Variants in ZNF28 observed in about 807,000 individuals in gnomAD.
The protein encoded by ZNF28 is zinc finger protein 28, also known as zinc finger protein KOX24.
Under a neutral mutation model 7.2 loss-of-function variants are expected in ZNF28, and 5 were observed. That is an observed-to-expected ratio of 0.70 (90% CI 0.36 to 1.46). The LOEUF is 1.46. Ranked by LOEUF, ZNF28 falls within the 40% of genes most tolerant of loss-of-function variation. ZNF28 has a pLI of 0.03. For missense variants in ZNF28, 879 were observed against 866.6 expected, an observed-to-expected ratio of 1.01 and a Z score of -0.18; for synonymous variants, 288 against 292.4, an observed-to-expected ratio of 0.99 and a Z score of 0.15.
In ZNF28 at chr19:52,816,390, C is replaced by T. The variant is rs1317209595; in HGVS notation, c.15+1554G>A. ...AAAAAAATTAGCCAGGCAAGCCGGG[C>T]GCGGTGGCTCAAGCCTGTAATCCCA... On this transcript the variant is annotated intron_variant, in intron 2 of 3. Transcript: ENST00000457749. Among the ~76,000 whole-genome samples, 3 of 145,902 alleles carry T rather than the reference C, an allele frequency of 2.1e-5. 1 individual carries two copies. In the East Asian group the frequency reaches 6.0e-4, roughly 29 times the overall value.
chr19:52,816,802 G>A lies in ZNF28; in HGVS notation c.15+1142C>T, dbSNP rs186480657. On this transcript the variant is annotated intron_variant, in intron 2 of 3. Transcript: ENST00000457749. ...GCTGAGATCATGCCACTGCACTGCA[G>A]CCTGGGCAACAAAGCAAGACTCCGT... Among the ~76,000 whole-genome samples, 626 of 151,328 alleles carry A rather than the reference G, an allele frequency of 4.1e-3. 4 individuals carry two copies. The highest frequency in any genetic ancestry group is 0.015 in the African/African-American group (608 of 41,278).
At chr19:52,802,755 T>C (rs374991578) in intron 3 of ZNF28, among the ~76,000 whole-genome samples, 138 of 138,158 alleles carry the variant, frequency 1.0e-3, no homozygotes, top group African/African-American at 3.6e-3. Flanking sequence ...AACAGGCACG[T>C]TGTGACTTTT....
At chr19:52,806,947 A>C (rs575442520) in intron 3 of ZNF28, among the ~76,000 whole-genome samples, 6 of 152,266 alleles carry the variant, frequency 3.9e-5, no homozygotes, top group African/African-American at 1.4e-4. Context: ...CAGAGAGATA[A>C]GCGGGGGCAA....
intron 2 of ZNF28, chr19:52,809,791 C>CG (rs528989102): frequency 1.0e-5 from 5 of 502,296 alleles, no homozygotes; most frequent in South Asian, 7.8e-5. Flanking sequence ...GGTGACAGAG[C>CG]GAAAAAAAAG....
At chr19:52,813,925 G>A (rs925759443) in intron 2 of ZNF28, among the ~76,000 whole-genome samples, 2 of 145,976 alleles carry the variant, frequency 1.4e-5, no homozygotes, top group African/African-American at 5.3e-5. Context: ...GTGGGAGATG[G>A]ACTCTGTTTA....
intron 1 of ZNF28, among the ~76,000 whole-genome samples, chr19:52,820,560 C>T (rs922618368): frequency 4.6e-5 from 7 of 152,172 alleles, no homozygotes; most frequent in Non-Finnish European, 8.8e-5. Context: ...TCTGGCACCC[C>T]AGATCCCCAG....
intron 2 of ZNF28, among the ~76,000 whole-genome samples, chr19:52,812,238 C>A (rs2063059497): frequency 7.3e-6 from 1 of 137,578 alleles, no homozygotes; most frequent in Non-Finnish European, 1.5e-5. Flanking sequence ...AGCCCCTCTG[C>A]CCGGCCACGA....
At chr19:52,812,294 G>A (rs920900095) in intron 2 of ZNF28, among the ~76,000 whole-genome samples, 1 of 141,330 alleles carries the variant, frequency 7.1e-6, no homozygotes, top group Non-Finnish European at 1.5e-5. Flanking sequence ...AACGGGCCAT[G>A]ATGACAATGG....
intron 2 of ZNF28, among the ~76,000 whole-genome samples, chr19:52,814,037 A>C (rs2063090222): frequency 6.8e-6 from 1 of 146,598 alleles, no homozygotes. Context: ...ACAAAAAAGA[A>C]AAAACTTTTT....
intron 3 of ZNF28, among the ~76,000 whole-genome samples, chr19:52,806,964 A>G (rs1295684763): frequency 3.3e-5 from 5 of 152,176 alleles, no homozygotes; most frequent in African/African-American, 7.2e-5. Flanking sequence ...GCAAAGAAAG[A>G]TATCTTTTCA....
Position 52,800,367 on chromosome 19 carries a change from T to C in ZNF28, c.1478A>G (p.Lys493Arg). Residue 493 changes from lysine to arginine, a missense_variant, in exon 4 of 4, where the codon AAA (lysine) becomes AGA (arginine). Coordinates refer to ENST00000457749, the MANE Select transcript of ZNF28 (RefSeq NM_006969.5). ...ERHRRIHTGEKPYKCKVCDKA... is the reference protein window; with the variant it reads ...ERHRRIHTGERPYKCKVCDKA... ...GTCACAAACCTTACATTTGTATGGTTTCTCTCCAGTATGAATCCTCCTATG... is the reference window on the plus strand; with the variant it reads ...GTCACAAACCTTACATTTGTATGGTCTCTCTCCAGTATGAATCCTCCTATG... The C allele has an allele frequency of 1.2e-6, 2 of 1,614,152 alleles. No individual in the cohort carries two copies. The highest frequency in any genetic ancestry group is 1.7e-6 in the Non-Finnish European group (2 of 1,180,010).
chr19:52,818,303 G>A (rs1452390499), intron 1 of ZNF28, among the ~76,000 whole-genome samples: 2 of 152,200 alleles, frequency 1.3e-5, no homozygotes, highest in African/African-American at 4.8e-5. Context: ...ATATGGTGGT[G>A]CGCATCTGTG....
chr19:52,821,389 C>T (rs578146375), intron 1 of ZNF28, among the ~76,000 whole-genome samples, 197 bp downstream of exon 1: 65 of 152,184 alleles, frequency 4.3e-4, no homozygotes, highest in African/African-American at 1.4e-3. Context: ...CAGAAAGACC[C>T]GGGACGGGAC....
rs77741583 is a variant in ZNF28, at chr19:52,818,954, G to C, written c.-73-923C>G. 9.6e-5 allele frequency among the ~76,000 whole-genome samples: 13 copies of C among 136,030 alleles called. 1 individual carries two copies. The highest frequency in any genetic ancestry group is 2.9e-4 in the South Asian group (1 of 3,406). 89.2% of individuals were successfully genotyped at this position (136,030 alleles called of 152,430 possible). ...AGAGATAAGAAGACTTGAGTAATGTGATAGACACTGATGGGCAGAGGGAAC... is the reference window on the plus strand; with the variant it reads ...AGAGATAAGAAGACTTGAGTAATGTCATAGACACTGATGGGCAGAGGGAAC... On this transcript the variant is annotated intron_variant, in intron 1 of 3. Transcript: ENST00000457749.
chr19:52,817,874 C>T (rs182013803), intron 2 of ZNF28, 70 bp downstream of exon 2: 154 of 1,604,712 alleles, frequency 9.6e-5, no homozygotes, highest in East Asian at 6.5e-4. Flanking sequence ...TCAGAGAAGA[C>T]TCCCAACTCC....
At chr19:52,811,887 T>G (rs1213334168) in intron 2 of ZNF28, among the ~76,000 whole-genome samples, 2 of 101,472 alleles carry the variant, frequency 2.0e-5, no homozygotes, top group South Asian at 7.6e-4. Flanking sequence ...GGGAGGGAGG[T>G]GGGGGGGACA....
intron 2 of ZNF28, chr19:52,810,040 A>G (rs1299749324): frequency 6.8e-6 from 5 of 738,052 alleles, no homozygotes; most frequent in Admixed American, 2.0e-5. Context: ...GAGCCGCTCC[A>G]GCCCCGCGCC....
In ZNF28 at chr19:52,804,569, C is replaced by G. The variant is rs185972879; in HGVS notation, c.143-2867G>C. ...CATTTTTAGTAGAGACAGGGTTTCA[C>G]CATATTGGCCAGGCTTGTCTCAAAC... On this transcript the variant is annotated intron_variant, in intron 3 of 3. Coordinates refer to ENST00000457749, the MANE Select transcript of ZNF28 (RefSeq NM_006969.5). Among the ~76,000 whole-genome samples, 223 of 152,292 alleles carry G rather than the reference C, an allele frequency of 1.5e-3. 1 individual carries two copies. Among genetic ancestry groups the G allele is most frequent in the African/African-American group, 5.1e-3 (214 of 41,580 alleles).
In ZNF28 at chr19:52,801,457, G is replaced by T; in HGVS notation, c.388C>A (p.His130Asn). The change falls in exon 4 of 4, where the codon CAT becomes AAT. Residue 130 changes from histidine (H) to asparagine (N), a missense_variant. By Grantham distance (68) the His-to-Asn change is moderately conservative. Coordinates refer to ENST00000457749, the MANE Select transcript of ZNF28 (RefSeq NM_006969.5). ...TGSTGQHDQR[H>N]AGNKHIKDQL... ...TCTTTAATATGCTTGTTTCCAGCAT[G>T]CCTTTGATCATGTTGGCCTGTACTA... 1 of 1,614,158 alleles carries T rather than the reference G, an allele frequency of 6.2e-7. No homozygotes were observed. The highest frequency in any genetic ancestry group is 8.5e-7 in the Non-Finnish European group (1 of 1,180,026).
Sources: gnomAD v4.1 joint callset for allele counts (sites outside exome capture counted in the v4.1 genomes callset) on GRCh38, gnomAD v4.1.1 for gene constraint, MANE v1.5 for transcripts, NCBI Gene and HGNC (gene_info 2026-07-23, HGNC 2026-07-21) for gene names.